Variants in FRRS1 observed in about 807,000 individuals in gnomAD.
The protein encoded by FRRS1 is ferric reductase 1.
FRRS1 carries 51 observed loss-of-function variants against 70.7 expected under a neutral mutation model. The observed-to-expected ratio is 0.72, with a 90% CI of 0.58 to 0.91. The LOEUF (loss-of-function observed/expected upper bound fraction) is 0.91, where lower values mean the gene tolerates loss of function less well. Among genes scored for constraint, FRRS1 ranks in the 40% least tolerant of loss-of-function variants. The pLI is 0.00. For missense variants in FRRS1, 672 were observed against 726.0 expected (o/e 0.93, Z 0.86); for synonymous variants, 225 against 238.7 (o/e 0.94, Z 0.53).
chr1:99,742,359 T>C, intron 4 of FRRS1, 86 bp from the exon 5 acceptor site: 1 of 808,682 alleles, frequency 1.2e-6, no homozygotes, highest in Non-Finnish European at 2.1e-6. Flanking sequence ...AAGTAATTTA[T>C]CATTGCATGA....
At chr1:99,726,428 T>C (rs1471467894) in intron 9 of FRRS1, among the ~76,000 whole-genome samples, 2 of 152,230 alleles carry the variant, frequency 1.3e-5, no homozygotes, top group Non-Finnish European at 2.9e-5. Flanking sequence ...ACAACTTTTG[T>C]AATTGGAAGC....
intron 9 of FRRS1, among the ~76,000 whole-genome samples, chr1:99,719,998 A>G (rs2100918789): frequency 6.6e-6 from 1 of 152,340 alleles, no homozygotes; most frequent in East Asian, 1.9e-4. Context: ...GTTAAAAAAA[A>G]TATTGAAAGA....
Position 99,710,839 on chromosome 1 carries a change from G to T in FRRS1, c.1591C>A (p.Leu531Met). The change falls in exon 15 of 17, where the codon CTG (leucine) becomes ATG (methionine). Residue 531 changes from leucine to methionine, a missense_variant. Physicochemically the swap from Leu to Met is conservative, Grantham distance 15. Coordinates refer to ENST00000646001, the MANE Select transcript of FRRS1 (RefSeq NM_001361041.2). ...VAWHVGTEVVLEVHAYRLSRK... is the reference protein window; with the variant it reads ...VAWHVGTEVVMEVHAYRLSRK... ...GAGAGCCGATAAGCATGTACCTCCA[G>T]AACAACCTCAGTCCCAACATGCCAG... 6.2e-7 allele frequency: 1 copy of T among 1,613,900 alleles called. No individual in the cohort carries two copies. The highest frequency in any genetic ancestry group is 8.5e-7 in the Non-Finnish European group (1 of 1,179,904).
At chr1:99,763,249 C>A (rs1385002698) in intron 1 of FRRS1, among the ~76,000 whole-genome samples, 1 of 151,986 alleles carries the variant, frequency 6.6e-6, no homozygotes, top group African/African-American at 2.4e-5. Flanking sequence ...CTAAATGGGA[C>A]CCCTATTTTT....
chr1:99,758,603 G>A (rs1221284779), intron 1 of FRRS1, among the ~76,000 whole-genome samples: 1 of 105,902 alleles, frequency 9.4e-6, no homozygotes, highest in Non-Finnish European at 1.7e-5. Context: ...CAAATTGACT[G>A]TAAAACATGT....
At chr1:99,726,892 TG>T (rs1197843701) in intron 9 of FRRS1, among the ~76,000 whole-genome samples, 4 of 152,178 alleles carry the variant, frequency 2.6e-5, no homozygotes, top group Non-Finnish European at 4.4e-5. Flanking sequence ...TTTTTGTTGT[TG>T]TTTTTTTTGA....
chr1:99,715,527 G>C (rs1212805484), intron 12 of FRRS1, 59 bp downstream of exon 12: 1 of 943,050 alleles, frequency 1.1e-6, no homozygotes, highest in Non-Finnish European at 1.7e-6. Context: ...AAATAAAACA[G>C]CAATCTGTTT....
intron 13 of FRRS1, 44 bp from the exon 14 acceptor site, chr1:99,712,207 C>A: frequency 7.7e-7 from 1 of 1,305,404 alleles, no homozygotes; most frequent in Non-Finnish European, 1.1e-6. Flanking sequence ...AGCAATGGAA[C>A]TATAATTAAT....
At chr1:99,752,129 A>T (rs2100989443) in intron 1 of FRRS1, among the ~76,000 whole-genome samples, 1 of 152,290 alleles carries the variant, frequency 6.6e-6, no homozygotes, top group Admixed American at 6.5e-5. Context: ...TATCCAGACC[A>T]CTAAAACTTT....
chr1:99,711,026 T>C, intron 14 of FRRS1, 77 bp from the exon 15 acceptor site: 1 of 1,247,812 alleles, frequency 8.0e-7, no homozygotes, highest in Non-Finnish European at 1.1e-6. Flanking sequence ...GTATGTGTAT[T>C]ATCAAGTAAA....
chr1:99,761,813 C>A (rs986111087), intron 1 of FRRS1, among the ~76,000 whole-genome samples: 1 of 151,842 alleles, frequency 6.6e-6, no homozygotes, highest in Non-Finnish European at 1.5e-5. Context: ...TGCCTAAGAT[C>A]ACACAGGGAC....
At chr1:99,760,895 C>T (rs1657084933) in intron 1 of FRRS1, among the ~76,000 whole-genome samples, 1 of 152,116 alleles carries the variant, frequency 6.6e-6, no homozygotes, top group Non-Finnish European at 1.5e-5. Context: ...AGGTGATACA[C>T]CTGCCTCGGC....
rs890217078 is a variant in FRRS1 at position 99,707,937 on chromosome 1, CA to C, written c.*1090del. On this transcript the variant is annotated 3_prime_UTR_variant, in exon 17 of 17. Transcript: ENST00000646001. ...TTAGATATGTTCACAAGGGTTTTATCAATTTTGAAATCCAAGTGTATAATCC... is the reference window on the plus strand; with the variant it reads ...TTAGATATGTTCACAAGGGTTTTATCATTTTGAAATCCAAGTGTATAATCC... Among the ~76,000 whole-genome samples the C allele has an allele frequency of 6.6e-6, 1 of 152,174 alleles. No homozygotes were observed. Among genetic ancestry groups the C allele is most frequent in the African/African-American group, 2.4e-5 (1 of 41,430 alleles).
In FRRS1 at chr1:99,707,564, T is replaced by C. The variant is rs1019994183; in HGVS notation, c.*1464A>G. 5.3e-5 allele frequency among the ~76,000 whole-genome samples: 8 copies of C among 152,314 alleles called. No homozygotes were observed. Among genetic ancestry groups the C allele is most frequent in the African/African-American group, 1.9e-4 (8 of 41,574 alleles). On this transcript the variant is annotated 3_prime_UTR_variant, in exon 17 of 17. Transcript: ENST00000646001. ...CTGGAAAATAAACAGCGGTTACTAA[T>C]TTAAGGTTTTAACCCTTACCCCAAC...
intron 4 of FRRS1, among the ~76,000 whole-genome samples, chr1:99,744,924 C>G (rs1656169265): frequency 7.5e-6 from 1 of 133,752 alleles, no homozygotes; most frequent in Admixed American, 8.6e-5. Context: ...GAGTTGAGAT[C>G]AGGCCACTGC....
At chr1:99,737,669 A>G (rs1655736780) in intron 7 of FRRS1, among the ~76,000 whole-genome samples, 1 of 152,194 alleles carries the variant, frequency 6.6e-6, no homozygotes, top group African/African-American at 2.4e-5. Context: ...GTTCTAAGTT[A>G]GCTTCTCCTG....
intron 9 of FRRS1, among the ~76,000 whole-genome samples, chr1:99,726,531 G>A (rs528501785): frequency 9.2e-5 from 14 of 152,272 alleles, no homozygotes; most frequent in Non-Finnish European, 1.9e-4. Flanking sequence ...TCTAAAAAAA[G>A]CAACAAAATA....
rs1345129994 is a variant in FRRS1, at chr1:99,728,515, T to C, written c.984A>G (p.Leu328=). 1 of 1,612,520 alleles carries C rather than the reference T, an allele frequency of 6.2e-7. No individual in the cohort carries two copies. ...FDLNTSYYIF[L]ADGAANDGRI... is the part of the protein sequence containing the mutation. ...TACCATCATTAGCTGCACCATCTGC[T>C]AGAAATATGTAATAGCTTGTGTTTA... Residue 328 remains leucine (L), a synonymous_variant, in exon 9 of 17, where the codon CTA becomes CTG. Coordinates refer to ENST00000646001, the MANE Select transcript of FRRS1 (RefSeq NM_001361041.2).
At chr1:99,732,336 A>G (rs1467934890) in intron 7 of FRRS1, among the ~76,000 whole-genome samples, 2 of 152,188 alleles carry the variant, frequency 1.3e-5, no homozygotes, top group African/African-American at 2.4e-5. Context: ...CTCTCAAGTC[A>G]AGCATTTAGA....
Sources: allele counts gnomAD v4.1 joint callset (sites outside exome capture counted in the v4.1 genomes callset), GRCh38; gene constraint gnomAD v4.1.1; transcripts MANE v1.5; gene names NCBI Gene and HGNC (gene_info 2026-07-23, HGNC 2026-07-21).